The following PYGL variants were observed in gnomAD, a reference collection of about 807,000 sequenced individuals.
The protein encoded by PYGL is glycogen phosphorylase, liver form.
PYGL carries 90 observed loss-of-function variants against 100.1 expected under a neutral mutation model. That is an observed-to-expected ratio of 0.90 (90% confidence interval 0.76 to 1.07). The LOEUF (loss-of-function observed/expected upper bound fraction) is 1.07. PYGL is among the 50% of genes least tolerant of loss of function. The pLI, the probability that PYGL is intolerant of heterozygous loss-of-function variation, is 0.00. For missense variants in PYGL, 1,016 were observed against 1,057.6 expected, an observed-to-expected ratio of 0.96 and a Z score of 0.55; for synonymous variants, 373 against 393.0, an observed-to-expected ratio of 0.95 and a Z score of 0.60.
chr14:50,943,571 A>G (rs1198492230), intron 1 of PYGL, among the ~76,000 whole-genome samples: 1 of 152,106 alleles, frequency 6.6e-6, no homozygotes, highest in Non-Finnish European at 1.5e-5. Context: ...CAGGAGCTAC[A>G]CCCACTCAGG....
At chr14:50,933,043 T>C (rs2050616958) in intron 3 of PYGL, among the ~76,000 whole-genome samples, 1 of 152,304 alleles carries the variant, frequency 6.6e-6, no homozygotes, top group Non-Finnish European at 1.5e-5. Context: ...AGATTATCTT[T>C]AGAGGGGGTC....
intron 5 of PYGL, 184 bp from the exon 6 acceptor site, chr14:50,921,251 C>A (rs2050498636): frequency 8.4e-6 from 5 of 597,938 alleles, no homozygotes; most frequent in Non-Finnish European, 1.5e-5. Flanking sequence ...CATGTGGTTC[C>A]TCCCCGACCT....
At chr14:50,935,243 G>T in intron 2 of PYGL, 58 bp from the exon 3 acceptor site, 1 of 1,364,422 alleles carries the variant, frequency 7.3e-7, no homozygotes, top group South Asian at 1.2e-5. Context: ...CATTCAGAGG[G>T]ACAGCCATTT....
chr14:50,909,094 A>G, intron 17 of PYGL, 139 bp from the exon 18 acceptor site: 1 of 969,976 alleles, frequency 1.0e-6, no homozygotes, highest in Non-Finnish European at 1.5e-6. Context: ...TATAGATTTC[A>G]CCATGAGTAT....
In PYGL at chr14:50,910,114, G is replaced by A. The variant is rs1454936246; in HGVS notation, c.1970-12C>T. The A allele has an allele frequency of 1.2e-6, 2 of 1,609,328 alleles. No individual in the cohort carries two copies. Among genetic ancestry groups the A allele is most frequent in the Admixed American group, 1.7e-5 (1 of 60,002 alleles). On this transcript the variant is annotated splice_polypyrimidine_tract_variant and intron_variant, in intron 16 of 19. Transcript: ENST00000216392. ...TGTGGCTGGAATGACTGCAAGAAAG[G>A]TAAGTTAAAATTAGTAATTTTGTCT...
At chr14:50,925,208 A>G (rs1029893361) in intron 4 of PYGL, among the ~76,000 whole-genome samples, 3 of 152,246 alleles carry the variant, frequency 2.0e-5, no homozygotes, top group African/African-American at 7.2e-5. Flanking sequence ...TGGTGTTTGT[A>G]TATCTAAACA....
chr14:50,906,730 A>G (rs1596029423), intron 19 of PYGL, among the ~76,000 whole-genome samples: 1 of 152,066 alleles, frequency 6.6e-6, no homozygotes, highest in Admixed American at 6.5e-5. Context: ...CGGCCTGTAT[A>G]TGGCTTTTCT....
intron 5 of PYGL, among the ~76,000 whole-genome samples, chr14:50,923,046 G>A (rs1176062598): frequency 2.6e-5 from 4 of 152,198 alleles, no homozygotes; most frequent in Non-Finnish European, 4.4e-5. Context: ...TTCATGTGAT[G>A]ACTTCAATCT....
At chr14:50,908,674 G>A (rs973439184) in intron 18 of PYGL, 147 bp downstream of exon 18, 45 of 1,165,098 alleles carry the variant, frequency 3.9e-5, no homozygotes, top group South Asian at 7.1e-5. Context: ...AGCAGATCAC[G>A]CTAATCTATG....
intron 19 of PYGL, among the ~76,000 whole-genome samples, chr14:50,907,203 C>T (rs116888356): frequency 0.027 from 4,120 of 151,724 alleles, 77 homozygotes; most frequent in African/African-American, 0.055. Flanking sequence ...CCTTTTTTTT[C>T]CCCTCAGTAT....
intron 4 of PYGL, among the ~76,000 whole-genome samples, chr14:50,930,045 A>G (rs994090115): frequency 3.3e-5 from 5 of 152,096 alleles, no homozygotes; most frequent in Admixed American, 6.5e-5. Flanking sequence ...TGGATAGCTG[A>G]GGTTTTATTA....
chr14:50,926,554 C>T (rs1297461053), intron 4 of PYGL, among the ~76,000 whole-genome samples: 2 of 149,762 alleles, frequency 1.3e-5, no homozygotes, highest in African/African-American at 4.9e-5. Flanking sequence ...GGTGAAACCC[C>T]GTCTCTACTA....
chr14:50,938,724 C>T (rs542891729), intron 1 of PYGL, among the ~76,000 whole-genome samples: 27 of 152,194 alleles, frequency 1.8e-4, no homozygotes, highest in Non-Finnish European at 2.6e-4. Flanking sequence ...GTATTTTTTA[C>T]CCCCGGGGAG....
intron 5 of PYGL, chr14:50,923,687 CA>C (rs762951824): frequency 0.094 from 11,190 of 119,052 alleles, 44 homozygotes; most frequent in South Asian, 0.12. Flanking sequence ...AATTTTCTGG[CA>C]AAAAAAAAAA....
chr14:50,916,018 C>G (rs767210899), intron 9 of PYGL, 47 bp from the exon 10 acceptor site: 1 of 1,611,972 alleles, frequency 6.2e-7, no homozygotes, highest in Non-Finnish European at 8.5e-7. Flanking sequence ...GGTGGGCACC[C>G]CACTGCACGG....
rs574120132 is a variant in PYGL at position 50,920,712 on chromosome 14, A to T, written c.773-89T>A. The T allele has an allele frequency of 2.4e-4, 329 of 1,349,076 alleles. No homozygotes were observed. In the East Asian group the frequency reaches 7.6e-3, roughly 31 times the overall value. The allele number at this position is 1,349,076 out of a possible 1,614,324, so 83.6% of individuals were successfully genotyped here. The stretch of plus-strand genomic sequence containing the variant: ...TCTCACTGGCTCTGTGCTGTGTGTC[A>T]TGTGGGATTCCTAAAATTCCTAAAA... On this transcript the variant is annotated intron_variant, in intron 6 of 19. Transcript: ENST00000216392.
At chr14:50,922,474 G>A (rs976548719) in intron 5 of PYGL, among the ~76,000 whole-genome samples, 1 of 152,158 alleles carries the variant, frequency 6.6e-6, no homozygotes, top group Non-Finnish European at 1.5e-5. Flanking sequence ...ATCAGGGAAA[G>A]TCATTTGCAG....
intron 2 of PYGL, among the ~76,000 whole-genome samples, chr14:50,936,784 C>T (rs181065499): frequency 7.1e-6 from 1 of 140,686 alleles, no homozygotes; most frequent in African/African-American, 2.5e-5. Context: ...GGACGAGACT[C>T]CGTCTCAAAA....
Position 50,909,891 on chromosome 14 carries a change from T to C in PYGL, c.2177+4A>G, listed in dbSNP as rs2050374799. ...TGCCTAGCAAAGAGAAGCTATTCTC[T>C]TACCCTTTCTTGTCCAAAGCAGCCA... On this transcript the variant is annotated splice_donor_region_variant and intron_variant, in intron 17 of 19. Coordinates refer to ENST00000216392, the MANE Select transcript of PYGL (RefSeq NM_002863.5). 2.5e-6 allele frequency: 4 copies of C among 1,614,058 alleles called. No homozygotes were observed. The African/African-American group carries it at 5.3e-5, about 22-fold the overall frequency.
Sources: gnomAD v4.1 joint callset for allele counts (sites outside exome capture counted in the v4.1 genomes callset) on GRCh38, gnomAD v4.1.1 for gene constraint, MANE v1.5 for transcripts, NCBI Gene and HGNC (gene_info 2026-07-23, HGNC 2026-07-21) for gene names.